The following RERE variants were observed in gnomAD, a reference collection of about 807,000 sequenced individuals.
RERE encodes the protein arginine-glutamic acid dipeptide repeats, also known as arginine-glutamic acid dipeptide repeats protein.
In RERE, 40 loss-of-function variants were observed where a neutral mutation model predicts 146.1. The ratio of observed to expected loss-of-function variants is 0.27; its 90% confidence interval spans 0.21 to 0.36. The LOEUF is 0.36. Among genes scored for constraint, RERE ranks in the 10% least tolerant of loss-of-function variants. The pLI is 1.00. For synonymous variants in RERE, 1,003 were observed against 866.0 expected, an observed-to-expected ratio of 1.16 and a Z score of -2.78; for missense variants, 1,933 against 2,138.7, an observed-to-expected ratio of 0.90 and a Z score of 1.90.
intron 1 of RERE, among the ~76,000 whole-genome samples, chr1:8,669,077 T>TGTGTGTGTGTGTGTG (rs1220047868): frequency 1.5e-5 from 2 of 134,082 alleles, no homozygotes; most frequent in African/African-American, 2.8e-5. Flanking sequence ...TGTGTGTGTG[T>TGTGTGTGTGTGTGTG]TGTGTTTTTA....
At chr1:8,673,108 T>C (rs930452499) in intron 1 of RERE, among the ~76,000 whole-genome samples, 5 of 152,186 alleles carry the variant, frequency 3.3e-5, no homozygotes, top group Admixed American at 6.5e-5. Context: ...TATTTATTTA[T>C]TTATTTTGAG....
intron 12 of RERE, 74 bp downstream of exon 12, chr1:8,422,653 A>C (rs889553482): frequency 1.8e-6 from 2 of 1,136,236 alleles, no homozygotes; most frequent in Non-Finnish European, 2.7e-6. Context: ...AAACCATTTC[A>C]TAAGATCAAA....
At chr1:8,509,320 C>T (rs763978480) in intron 7 of RERE, among the ~76,000 whole-genome samples, 2 of 151,998 alleles carry the variant, frequency 1.3e-5, no homozygotes, top group African/African-American at 2.4e-5. Context: ...ACATTTCTTC[C>T]GTTCAAAACA....
chr1:8,774,345 C>CTTTT (rs1164178372), intron 1 of RERE, among the ~76,000 whole-genome samples: 9 of 103,498 alleles, frequency 8.7e-5, no homozygotes, highest in Admixed American at 3.0e-4. Context: ...TTTTGGCAAA[C>CTTTT]TATTTTTTTT....
intron 12 of RERE, among the ~76,000 whole-genome samples, chr1:8,396,641 G>C (rs553030362): frequency 1.3e-5 from 2 of 152,072 alleles, no homozygotes; most frequent in African/African-American, 4.8e-5. Flanking sequence ...AACCCAACTC[G>C]AATTAACTTA....
At chr1:8,449,882 G>C (rs1258203980) in intron 11 of RERE, among the ~76,000 whole-genome samples, 1 of 152,206 alleles carries the variant, frequency 6.6e-6, no homozygotes, top group African/African-American at 2.4e-5. Flanking sequence ...TTACTCAAGA[G>C]AGAATAGTAA....
Position 8,360,645 on chromosome 1 carries a change from G to A in RERE, c.2862C>T (p.Pro954=). The change falls in exon 18 of 23, where the codon CCC becomes CCT. Residue 954 remains proline, a synonymous_variant. Transcript: ENST00000400908. ...AHKHPPHLSG[P]SPFSMNANLP... ...GGTTGGCATTCATGGAGAAGGGTGA[G>A]GGCCCCGAGAGGTGGGGAGGGTGCT... 6.6e-7 allele frequency: 1 copy of A among 1,523,988 alleles called. No homozygotes were observed. 94.4% of individuals were successfully genotyped at this position (1,523,988 alleles called of 1,614,324 possible).
intron 4 of RERE, among the ~76,000 whole-genome samples, chr1:8,565,003 C>T (rs970319692): frequency 6.6e-6 from 1 of 151,958 alleles, no homozygotes; most frequent in African/African-American, 2.4e-5. Flanking sequence ...ACCACATGTG[C>T]TTATTACATG....
chr1:8,668,483 A>G (rs1169405550), intron 1 of RERE, among the ~76,000 whole-genome samples: 1 of 152,186 alleles, frequency 6.6e-6, no homozygotes, highest in East Asian at 1.9e-4. Flanking sequence ...CAAATCCCTG[A>G]TCTTGAAAGG....
rs761662369 is a variant in RERE, at chr1:8,656,236, C to G, written c.62G>C (p.Arg21Pro). The G allele has an allele frequency of 6.2e-7, 1 of 1,612,296 alleles. No homozygotes were observed. Among genetic ancestry groups the G allele is most frequent in the Non-Finnish European group, 8.5e-7 (1 of 1,178,562 alleles). ...TGCTTTGTCTCTTTTCTCTCTCTCT[C>G]GGTCCCGGTCTCGGTCCCGGTCCTT... Reference protein sequence around the residue: ...KEKDRDRDRDREREKRDKARE... With the variant: ...KEKDRDRDRDPEREKRDKARE... Residue 21 changes from arginine (R) to proline (P), a missense_variant, in exon 2 of 23, where the codon CGA becomes CCA. Physicochemically the swap from Arg to Pro is moderately radical, Grantham distance 103 (BLOSUM62 -2). This residue lies in a region of RERE where 107 missense variants were observed against 119.7 expected (regional missense o/e 0.89). Coordinates refer to ENST00000400908, the MANE Select transcript of RERE (RefSeq NM_001042681.2).
chr1:8,759,420 T>C (rs1640708048), intron 1 of RERE, among the ~76,000 whole-genome samples: 1 of 152,216 alleles, frequency 6.6e-6, no homozygotes, highest in African/African-American at 2.4e-5. Context: ...ACCTGAGGCC[T>C]TTGTTGGTCC....
chr1:8,779,715 A>T (rs1351046897), intron 1 of RERE, among the ~76,000 whole-genome samples: 4 of 152,050 alleles, frequency 2.6e-5, no homozygotes, highest in African/African-American at 7.2e-5. Flanking sequence ...TTTTCTATTT[A>T]TTCATTATCA....
chr1:8,439,027 A>G (rs1162296090), intron 11 of RERE, among the ~76,000 whole-genome samples: 2 of 152,186 alleles, frequency 1.3e-5, no homozygotes, highest in African/African-American at 4.8e-5. Context: ...TCCACCAGTA[A>G]ATCGTCTCCC....
intron 1 of RERE, among the ~76,000 whole-genome samples, chr1:8,693,214 C>T (rs182804789): frequency 1.3e-5 from 2 of 152,226 alleles, no homozygotes; most frequent in African/African-American, 2.4e-5. Context: ...CATACTCTTA[C>T]CATGGGACAC....
At chr1:8,715,768 G>A (rs1200697751) in intron 1 of RERE, among the ~76,000 whole-genome samples, 3 of 152,060 alleles carry the variant, frequency 2.0e-5, no homozygotes, top group East Asian at 3.9e-4. Flanking sequence ...GCCAGGTGTA[G>A]TGGTGCGTGC....
chr1:8,617,414 T>C (rs1205524978), intron 3 of RERE, among the ~76,000 whole-genome samples: 1 of 148,738 alleles, frequency 6.7e-6, no homozygotes, highest in Non-Finnish European at 1.5e-5. Flanking sequence ...AAATCACAAA[T>C]TTGTATGTGA....
At chr1:8,546,862 A>C (rs925440938) in intron 6 of RERE, among the ~76,000 whole-genome samples, 2 of 150,590 alleles carry the variant, frequency 1.3e-5, no homozygotes, top group African/African-American at 5.0e-5. Flanking sequence ...ACAAAAAAAA[A>C]AAACAAAAAA....
chr1:8,361,920 C>T, intron 16 of RERE, 44 bp from the exon 17 acceptor site: 1 of 1,351,176 alleles, frequency 7.4e-7, no homozygotes, highest in Non-Finnish European at 1.1e-6. Context: ...CCAAGGGAGA[C>T]CATCCCATCA....
Position 8,541,207 on chromosome 1 carries a change from C to G in RERE, c.830+7G>C, listed in dbSNP as rs767909196. 4.8e-6 allele frequency: 7 copies of G among 1,465,368 alleles called. No individual in the cohort carries two copies. The East Asian group carries it at 1.6e-4, about 33-fold the overall frequency. The allele number at this position is 1,465,368 out of a possible 1,614,324, so 90.8% of individuals were successfully genotyped here. ...TCTCAATGAATGGACACAAGTGACT[C>G]ACTTACCTTGTCTCAGGGTTATATC... is the stretch of plus-strand genomic sequence containing the variant. On this transcript the variant is annotated splice_region_variant and intron_variant, in intron 7 of 22. Coordinates refer to ENST00000400908, the MANE Select transcript of RERE (RefSeq NM_001042681.2).
Sources: gnomAD v4.1 joint callset for allele counts (sites outside exome capture counted in the v4.1 genomes callset) on GRCh38, gnomAD v4.1.1 for gene constraint, gnomAD v4.1.1 regional missense constraint, MANE v1.5 for transcripts, NCBI Gene and HGNC (gene_info 2026-07-23, HGNC 2026-07-21) for gene names.